CEP89: variants seen among roughly 807,000 people sequenced by gnomAD.
CEP89 encodes the protein centrosomal protein 89, also known as centrosomal protein of 89 kDa.
Under a neutral mutation model 97.6 loss-of-function variants are expected in CEP89, and 95 were observed. That is an observed-to-expected ratio of 0.97 (90% confidence interval 0.82 to 1.15). CEP89 has a LOEUF of 1.15. Among genes scored for constraint, CEP89 ranks in the 50% most tolerant of loss-of-function variants. CEP89 has a pLI of 0.00. For missense variants in CEP89, 869 were observed against 947.7 expected (o/e 0.92, Z 1.09); for synonymous variants, 354 against 349.1 (o/e 1.01, Z -0.16).
At chr19:32,904,830 T>G (rs776513730) in intron 14 of CEP89, among the ~76,000 whole-genome samples, 1 of 152,176 alleles carries the variant, frequency 6.6e-6, no homozygotes, top group Non-Finnish European at 1.5e-5. Context: ...GACTTCATGA[T>G]CCACCTGCCT....
At chr19:32,902,004 CTCTCTCTGTG>C (rs1969786278) in intron 14 of CEP89, among the ~76,000 whole-genome samples, 2 of 100,364 alleles carry the variant, frequency 2.0e-5, no homozygotes, top group South Asian at 6.3e-4. Context: ...CTGTCTCTCT[CTCTCTCTGTG>C]TGTGTGTGTG....
At chr19:32,886,860 C>CTTT in intron 17 of CEP89, among the ~76,000 whole-genome samples, 1 of 143,578 alleles carries the variant, frequency 7.0e-6, no homozygotes, top group Middle Eastern at 3.6e-3. Flanking sequence ...TTCAGCCTTT[C>CTTT]TTTTTTTTTT....
At chr19:32,891,714 GA>G (rs751277622) in intron 16 of CEP89, among the ~76,000 whole-genome samples, 5 of 151,308 alleles carry the variant, frequency 3.3e-5, no homozygotes, top group Non-Finnish European at 7.4e-5. Flanking sequence ...AGAATTCAAT[GA>G]ATAAAATAAA....
intron 7 of CEP89, 174 bp downstream of exon 7, chr19:32,937,457 T>C: frequency 1.7e-6 from 1 of 573,142 alleles, no homozygotes; most frequent in Non-Finnish European, 3.2e-6. Flanking sequence ...AAGCACATCC[T>C]GTATGGACAT....
At chr19:32,902,077 A>G (rs1349657113) in intron 14 of CEP89, among the ~76,000 whole-genome samples, 1 of 147,152 alleles carries the variant, frequency 6.8e-6, no homozygotes, top group Non-Finnish European at 1.5e-5. Flanking sequence ...CTTCCAAAAA[A>G]TCTAAGATAG....
chr19:32,890,495 G>A (rs937568640), intron 16 of CEP89, among the ~76,000 whole-genome samples: 3 of 152,170 alleles, frequency 2.0e-5, no homozygotes, highest in Non-Finnish European at 2.9e-5. Context: ...CTCCACACAG[G>A]AGAACCAAAA....
At chr19:32,928,886 A>G (rs1015444186) in intron 9 of CEP89, among the ~76,000 whole-genome samples, 4 of 152,202 alleles carry the variant, frequency 2.6e-5, no homozygotes, top group African/African-American at 4.8e-5. Context: ...CCAGACAGAA[A>G]GCAGATCACA....
chr19:32,918,942 T>A (rs531402401), intron 12 of CEP89, among the ~76,000 whole-genome samples: 2 of 147,034 alleles, frequency 1.4e-5, no homozygotes, highest in Admixed American at 1.4e-4. Flanking sequence ...TGGAGTGCAG[T>A]GGCGCAATCT....
At chr19:32,960,082 A>C (rs547558802) in intron 2 of CEP89, 24 bp from the exon 3 acceptor site, 1 of 1,613,218 alleles carries the variant, frequency 6.2e-7, no homozygotes, top group East Asian at 2.2e-5. Context: ...CATCCCATGG[A>C]GACAGTGAGA....
chr19:32,926,163 T>A lies in CEP89; in HGVS notation c.1164+27A>T, dbSNP rs776243626. 3 of 1,519,180 alleles carry A rather than the reference T, an allele frequency of 2.0e-6. No homozygotes were observed. The African/African-American group carries it at 4.1e-5, about 21-fold the overall frequency. 94.1% of individuals were successfully genotyped at this position (1,519,180 alleles called of 1,614,324 possible). On this transcript the variant is annotated intron_variant, in intron 11 of 18. Transcript: ENST00000305768. Reference sequence around the variant, plus strand: ...CGGTCCTATATTTTTATAAATCTTGTGTCTTCTGGGACATTTGCCAGCCTA... The same window carrying A: ...CGGTCCTATATTTTTATAAATCTTGAGTCTTCTGGGACATTTGCCAGCCTA...
chr19:32,968,843 T>G (rs1971339431), intron 1 of CEP89: 1 of 152,308 alleles, frequency 6.6e-6, no homozygotes, highest in Non-Finnish European at 1.5e-5. Flanking sequence ...CCGGAACCTC[T>G]GTGGCCACAG....
chr19:32,921,230 AAAGAAAG>A (rs1446050641), intron 12 of CEP89, among the ~76,000 whole-genome samples: 53 of 125,088 alleles, frequency 4.2e-4, no homozygotes, highest in East Asian at 9.5e-4. Flanking sequence ...TCAAAAAAAA[AAAGAAAG>A]AAAGAAAGAA....
chr19:32,922,956 G>C (rs1311606571), intron 12 of CEP89, among the ~76,000 whole-genome samples: 1 of 152,200 alleles, frequency 6.6e-6, no homozygotes, highest in Non-Finnish European at 1.5e-5. Context: ...GATGAGGAGT[G>C]CAGAAGGGGC....
intron 3 of CEP89, among the ~76,000 whole-genome samples, chr19:32,957,013 C>T (rs1350928627): frequency 6.6e-6 from 1 of 152,172 alleles, no homozygotes; most frequent in Non-Finnish European, 1.5e-5. Flanking sequence ...GCACTGAATG[C>T]TTTCCTTCCC....
chr19:32,920,446 G>A, intron 12 of CEP89, among the ~76,000 whole-genome samples: 1 of 151,860 alleles, frequency 6.6e-6, no homozygotes, highest in East Asian at 1.9e-4. Flanking sequence ...TCTCAGATTT[G>A]GTTTAACACT....
chr19:32,971,768 C>T (rs766154576), intron 1 of CEP89, 68 bp downstream of exon 1: 8 of 1,515,690 alleles, frequency 5.3e-6, no homozygotes, highest in Non-Finnish European at 7.2e-6. Flanking sequence ...CCCCAACCCG[C>T]CCCAACACTT....
In CEP89 at chr19:32,925,840, G is replaced by C. The variant is rs199548254; in HGVS notation, c.1164+350C>G. Among the ~76,000 whole-genome samples, 7 of 152,114 alleles carry C rather than the reference G, an allele frequency of 4.6e-5. No individual in the cohort carries two copies. The East Asian group carries it at 1.4e-3, about 29-fold the overall frequency. The stretch of plus-strand genomic sequence containing the variant: ...GCAGCTGCACAGTAACAGGAAAGAA[G>C]CACTTCCCCCCTGCTGTCTTCCCTG... On this transcript the variant is annotated intron_variant, in intron 11 of 18. Transcript: ENST00000305768.
intron 16 of CEP89, 115 bp from the exon 17 acceptor site, chr19:32,887,956 T>C: frequency 1.5e-6 from 1 of 678,142 alleles, no homozygotes; most frequent in Non-Finnish European, 2.6e-6. Flanking sequence ...CTGCAACCTG[T>C]CCTGCCTCAA....
At chr19:32,883,365 A>G (rs1350600024) in intron 17 of CEP89, among the ~76,000 whole-genome samples, 2 of 151,840 alleles carry the variant, frequency 1.3e-5, no homozygotes, top group Non-Finnish European at 2.9e-5. Context: ...TGTGACCAAC[A>G]AATGCTGGCC....
Sources: allele counts gnomAD v4.1 joint callset (sites outside exome capture counted in the v4.1 genomes callset), GRCh38; gene constraint gnomAD v4.1.1; transcripts MANE v1.5; gene names NCBI Gene and HGNC (gene_info 2026-07-23, HGNC 2026-07-21).